The following CDH22 variants were observed in gnomAD, a reference collection of about 807,000 sequenced individuals.
CDH22 encodes the protein cadherin-22.
Under a neutral mutation model 58.4 loss-of-function variants are expected in CDH22, and 30 were observed. The ratio of observed to expected loss-of-function variants is 0.51; its 90% confidence interval spans 0.38 to 0.70. The LOEUF (loss-of-function observed/expected upper bound fraction) is 0.70. CDH22 is among the 30% of genes least tolerant of loss of function. CDH22 has a pLI of 0.00. For synonymous variants in CDH22, 513 were observed against 558.2 expected (o/e 0.92, Z 1.14); for missense variants, 1,014 against 1,233.9 (o/e 0.82, Z 2.67).
chr20:46,274,298 G>T (rs567532906), intron 1 of CDH22, among the ~76,000 whole-genome samples: 8 of 151,984 alleles, frequency 5.3e-5, no homozygotes, highest in Non-Finnish European at 7.4e-5. Context: ...GGCTGGGTTT[G>T]CAGCCAGGGT....
intron 1 of CDH22, among the ~76,000 whole-genome samples, chr20:46,287,614 A>G (rs1278999288): frequency 6.6e-6 from 1 of 151,444 alleles, no homozygotes; most frequent in East Asian, 1.9e-4. Flanking sequence ...ATGGGGAAGA[A>G]GGCCGAGATG....
intron 8 of CDH22, among the ~76,000 whole-genome samples, chr20:46,196,934 T>C (rs530010731): frequency 9.9e-5 from 15 of 152,162 alleles, no homozygotes; most frequent in African/African-American, 3.4e-4. Context: ...CATTAATTAA[T>C]ATCCTGGGTG....
At chr20:46,234,673 G>A (rs149775218) in intron 3 of CDH22, among the ~76,000 whole-genome samples, 3 of 152,324 alleles carry the variant, frequency 2.0e-5, no homozygotes, top group South Asian at 4.1e-4. Flanking sequence ...TGGCATGTGC[G>A]CTATGACATT....
chr20:46,181,631 T>TCCCTCCCTC (rs1568649708), intron 10 of CDH22, among the ~76,000 whole-genome samples: 2 of 118,324 alleles, frequency 1.7e-5, no homozygotes, highest in Non-Finnish European at 3.7e-5. Context: ...CTCCCTCCCT[T>TCCCTCCCTC]CCTTCCTTCT....
In CDH22 at chr20:46,210,103, T is replaced by C. The variant is rs1220505555; in HGVS notation, c.1286+204A>G. The C allele has an allele frequency of 4.0e-5, 19 of 474,878 alleles. No homozygotes were observed. The highest frequency in any genetic ancestry group is 2.2e-4 in the East Asian group (6 of 27,688). 29.4% of individuals were successfully genotyped at this position (474,878 alleles called of 1,614,324 possible). ...TGGCTCGCCTGCCTGTCTCATTGAC[T>C]GTTCTCACATCTGCTTCCTTGGCTC... On this transcript the variant is annotated intron_variant, in intron 7 of 11. Transcript: ENST00000537909. This position sits in a 1 kb window ranked among gnomAD's most constrained non-coding sequence, Gnocchi z 4.5.
chr20:46,234,170 G>A (rs1196412464), intron 3 of CDH22, among the ~76,000 whole-genome samples: 1 of 152,208 alleles, frequency 6.6e-6, no homozygotes, highest in East Asian at 1.9e-4. Context: ...TGTAAAATGG[G>A]GATGTCAGTA....
intron 1 of CDH22, among the ~76,000 whole-genome samples, chr20:46,301,444 A>T (rs2086651050): frequency 6.6e-6 from 1 of 152,060 alleles, no homozygotes; most frequent in South Asian, 2.1e-4. Context: ...GCACCTAATC[A>T]GTAGGTTGTC....
intron 11 of CDH22, 57 bp downstream of exon 11, chr20:46,177,889 C>A: frequency 6.3e-7 from 1 of 1,589,298 alleles, no homozygotes; most frequent in Non-Finnish European, 8.6e-7. Context: ...GGAAGGAAAC[C>A]CAGGACGCCA....
chr20:46,250,561 G>A (rs2086364079), intron 2 of CDH22, among the ~76,000 whole-genome samples: 1 of 152,204 alleles, frequency 6.6e-6, no homozygotes, highest in Admixed American at 6.5e-5. Flanking sequence ...GTGTGCATGG[G>A]ACGTTGACTT....
chr20:46,220,147 A>G (rs2086113447), intron 4 of CDH22, among the ~76,000 whole-genome samples: 1 of 151,360 alleles, frequency 6.6e-6, no homozygotes, highest in African/African-American at 2.4e-5. Flanking sequence ...GGAGGGGAAC[A>G]GACAGAGAGG....
intron 1 of CDH22, among the ~76,000 whole-genome samples, chr20:46,271,251 C>T (rs2086487182): frequency 6.6e-6 from 1 of 152,144 alleles, no homozygotes; most frequent in South Asian, 2.1e-4. Flanking sequence ...CATCCATGTC[C>T]ATCCTCTATT....
intron 1 of CDH22, among the ~76,000 whole-genome samples, chr20:46,299,863 C>G (rs940083203): frequency 5.3e-5 from 8 of 152,194 alleles, no homozygotes; most frequent in African/African-American, 7.2e-5. Flanking sequence ...GTTCTCTCAA[C>G]AGCACACAGT....
chr20:46,179,958 C>T (rs1001241947), intron 10 of CDH22, among the ~76,000 whole-genome samples: 1 of 149,078 alleles, frequency 6.7e-6, no homozygotes, highest in Non-Finnish European at 1.5e-5. Context: ...ATTCCTCATC[C>T]GTCATGCTCC....
intron 8 of CDH22, among the ~76,000 whole-genome samples, chr20:46,195,843 G>C (rs974574665): frequency 2.6e-5 from 4 of 152,218 alleles, no homozygotes; most frequent in African/African-American, 7.2e-5. Flanking sequence ...GAGTCTTTGA[G>C]GTAATCCAGT....
At chr20:46,240,195 C>T (rs867767376) in intron 3 of CDH22, among the ~76,000 whole-genome samples, 13 of 151,974 alleles carry the variant, frequency 8.6e-5, no homozygotes, top group African/African-American at 2.2e-4. Flanking sequence ...TGCCTGTCTG[C>T]GGCTGCACAC....
chr20:46,202,136 A>G (rs887873643), intron 7 of CDH22, among the ~76,000 whole-genome samples: 2 of 152,130 alleles, frequency 1.3e-5, no homozygotes, highest in African/African-American at 4.8e-5. Flanking sequence ...ATGCACAAAG[A>G]TACCAGGCCG....
At chr20:46,175,360 T>C (rs1185014743) in intron 11 of CDH22, among the ~76,000 whole-genome samples, 6 of 152,168 alleles carry the variant, frequency 3.9e-5, no homozygotes, top group Non-Finnish European at 7.4e-5. Flanking sequence ...AAGGTTTTCC[T>C]GGGTGTTGAG....
At chr20:46,289,186 G>A (rs2086589408) in intron 1 of CDH22, among the ~76,000 whole-genome samples, 1 of 152,092 alleles carries the variant, frequency 6.6e-6, no homozygotes, top group Non-Finnish European at 1.5e-5. Context: ...CGCCCCTGAT[G>A]TCTGCCTGGC....
chr20:46,306,396 G>A (rs2086678114), intron 1 of CDH22, among the ~76,000 whole-genome samples: 1 of 152,268 alleles, frequency 6.6e-6, no homozygotes, highest in South Asian at 2.1e-4. Flanking sequence ...TCACAGTTAG[G>A]AATAGGGAAA....
Sources: gnomAD v4.1 joint callset for allele counts (sites outside exome capture counted in the v4.1 genomes callset) on GRCh38, gnomAD v4.1.1 for gene constraint, Gnocchi (gnomAD v3.1) non-coding constraint, MANE v1.5 for transcripts, NCBI Gene and HGNC (gene_info 2026-07-23, HGNC 2026-07-21) for gene names.